PPA2: variants seen among roughly 807,000 people sequenced by gnomAD.
The protein encoded by PPA2 is inorganic pyrophosphatase 2, mitochondrial.
PPA2 carries 48 observed loss-of-function variants against 49.5 expected under a neutral mutation model. The ratio of observed to expected loss-of-function variants is 0.97; its 90% confidence interval spans 0.77 to 1.23. PPA2 has a LOEUF of 1.23. Ranked by LOEUF, PPA2 falls within the 50% of genes most tolerant of loss-of-function variation. The pLI, the probability that PPA2 is intolerant of heterozygous loss-of-function variation, is 0.00. For missense variants in PPA2, 429 were observed against 410.1 expected (o/e 1.05, Z -0.40); for synonymous variants, 131 against 139.9 (o/e 0.94, Z 0.45).
chr4:105,417,830 G>A (rs1278100643), intron 7 of PPA2, among the ~76,000 whole-genome samples: 2 of 152,034 alleles, frequency 1.3e-5, no homozygotes, highest in Non-Finnish European at 2.9e-5. Context: ...AAGCGACAAG[G>A]TCCAAGGCCA....
At chr4:105,438,345 G>C (rs978801582) in intron 5 of PPA2, among the ~76,000 whole-genome samples, 9 of 152,164 alleles carry the variant, frequency 5.9e-5, no homozygotes, top group African/African-American at 2.2e-4. Context: ...TAGAGTTTCA[G>C]TGGATGTTCC....
At chr4:105,463,826 G>T (rs1723191180) in intron 1 of PPA2, among the ~76,000 whole-genome samples, 1 of 152,238 alleles carries the variant, frequency 6.6e-6, no homozygotes. Flanking sequence ...CAGAAGTCAA[G>T]AATTGAGGTT....
At chr4:105,412,369 C>T (rs1335847630) in intron 7 of PPA2, among the ~76,000 whole-genome samples, 5 of 152,028 alleles carry the variant, frequency 3.3e-5, no homozygotes, top group African/African-American at 9.7e-5. Flanking sequence ...ATAAATGGTG[C>T]TGGGAAAACT....
In PPA2 at chr4:105,402,198, G is replaced by A. The variant is rs146826841; in HGVS notation, c.656-3034C>T. On this transcript the variant is annotated intron_variant, in intron 7 of 11. Coordinates refer to ENST00000341695, the MANE Select transcript of PPA2 (RefSeq NM_176869.3). ...GAGGTGGGAGGATTGCTTGAGCCTAGGAGTTTGAGACCATTCTGGGCAACA... is the reference window on the plus strand; with the variant it reads ...GAGGTGGGAGGATTGCTTGAGCCTAAGAGTTTGAGACCATTCTGGGCAACA... 4.9e-3 allele frequency among the ~76,000 whole-genome samples: 748 copies of A among 151,916 alleles called. 10 individuals are homozygous for A. Among genetic ancestry groups the A allele is most frequent in the African/African-American group, 0.017 (705 of 41,418 alleles).
chr4:105,469,935 C>T (rs1245841196), intron 1 of PPA2, among the ~76,000 whole-genome samples: 3 of 152,144 alleles, frequency 2.0e-5, no homozygotes, highest in East Asian at 1.9e-4. Context: ...ACCCAAATGA[C>T]ATAAAGAAAA....
intron 1 of PPA2, among the ~76,000 whole-genome samples, chr4:105,468,974 CATATACTTA>C (rs1206950293): frequency 6.6e-6 from 1 of 152,166 alleles, no homozygotes; most frequent in African/African-American, 2.4e-5. Flanking sequence ...CCCCTGAACA[CATATACTTA>C]AGCTGGGACT....
intron 2 of PPA2, 168 bp from the exon 3 acceptor site, chr4:105,453,810 T>C (rs1463050044): frequency 2.1e-6 from 1 of 473,668 alleles, no homozygotes; most frequent in African/African-American, 2.0e-5. Context: ...CCCCTGAGCA[T>C]TTGTATCCCC....
At chr4:105,443,190 A>T (rs1056729830) in intron 5 of PPA2, among the ~76,000 whole-genome samples, 1 of 152,136 alleles carries the variant, frequency 6.6e-6, no homozygotes, top group African/African-American at 2.4e-5. Flanking sequence ...GATGATTGGC[A>T]GATACTATGA....
In PPA2 at chr4:105,467,924, G is replaced by A. The variant is rs549432044; in HGVS notation, c.157+5970C>T. On this transcript the variant is annotated intron_variant, in intron 1 of 11. Transcript: ENST00000341695. ...AGAAATACAGAGTAGAAAGCTGGAT[G>A]TGTAAATTCTGAGTTCAAGAAGAGA... is the stretch of plus-strand genomic sequence containing the variant. 1.5e-3 allele frequency among the ~76,000 whole-genome samples: 236 copies of A among 152,288 alleles called. 1 individual carries two copies. The highest frequency in any genetic ancestry group is 5.2e-3 in the African/African-American group (217 of 41,566).
intron 5 of PPA2, among the ~76,000 whole-genome samples, chr4:105,444,357 A>T (rs1724512253): frequency 6.6e-6 from 1 of 152,228 alleles, no homozygotes; most frequent in South Asian, 2.1e-4. Context: ...TCTTTTAAGC[A>T]ACAGGAGACC....
At chr4:105,409,599 C>G (rs1003151693) in intron 7 of PPA2, among the ~76,000 whole-genome samples, 4 of 152,240 alleles carry the variant, frequency 2.6e-5, no homozygotes, top group Non-Finnish European at 5.9e-5. Context: ...AAGTGGGTCC[C>G]TGACCCCCAT....
At chr4:105,369,867 G>A (rs373390848) in intron 11 of PPA2, 114 bp from the exon 12 acceptor site, 2 of 944,510 alleles carry the variant, frequency 2.1e-6, no homozygotes, top group African/African-American at 3.3e-5. Context: ...GATACAAACA[G>A]TCATAAGCTA....
rs758262556 is a variant in PPA2, at chr4:105,439,671, G to A, written c.442-1635C>T. Among the ~76,000 whole-genome samples the A allele has an allele frequency of 5.9e-4, 90 of 151,370 alleles. 1 individual carries two copies. Among genetic ancestry groups the A allele is most frequent in the Non-Finnish European group, 4.9e-4 (33 of 67,814 alleles). On this transcript the variant is annotated intron_variant, in intron 5 of 11. Coordinates refer to ENST00000341695, the MANE Select transcript of PPA2 (RefSeq NM_176869.3). ...TATTATAATAAATGGCATGGCATTT[G>A]TGACAAATGCAATAAAGGTAATTAT...
chr4:105,381,696 T>C (rs1456703437), intron 10 of PPA2, among the ~76,000 whole-genome samples: 1 of 152,142 alleles, frequency 6.6e-6, no homozygotes, highest in African/African-American at 2.4e-5. Context: ...TAAATATGTC[T>C]TATGCCTGTA....
intron 1 of PPA2, among the ~76,000 whole-genome samples, chr4:105,464,641 T>C (rs1363554033): frequency 6.6e-6 from 1 of 152,130 alleles, no homozygotes; most frequent in Non-Finnish European, 1.5e-5. Context: ...AATTGAATCA[T>C]GGGGGCAAGT....
intron 7 of PPA2, among the ~76,000 whole-genome samples, chr4:105,416,235 C>T (rs1235853698): frequency 6.6e-6 from 1 of 152,180 alleles, no homozygotes; most frequent in Non-Finnish European, 1.5e-5. Context: ...TGCTGCTTTA[C>T]CTGGATTATC....
chr4:105,429,438 T>C (rs531611554), intron 6 of PPA2, among the ~76,000 whole-genome samples: 2 of 152,228 alleles, frequency 1.3e-5, no homozygotes, highest in Non-Finnish European at 2.9e-5. Flanking sequence ...AAGTTTCATA[T>C]AATGGTCAAT....
chr4:105,408,198 G>A (rs997636199), intron 7 of PPA2, among the ~76,000 whole-genome samples: 7 of 152,130 alleles, frequency 4.6e-5, no homozygotes, highest in African/African-American at 1.2e-4. Context: ...CAGAGTCAAA[G>A]AGAATTCACT....
chr4:105,410,938 C>T (rs1008342771), intron 7 of PPA2, among the ~76,000 whole-genome samples: 4 of 152,154 alleles, frequency 2.6e-5, no homozygotes, highest in East Asian at 1.9e-4. Context: ...AAGGAATAAC[C>T]GGTACCAGCC....
Sources: gnomAD v4.1 joint callset for allele counts (sites outside exome capture counted in the v4.1 genomes callset) on GRCh38, gnomAD v4.1.1 for gene constraint, MANE v1.5 for transcripts, NCBI Gene and HGNC (gene_info 2026-07-23, HGNC 2026-07-21) for gene names.